The following IFT122 variants were observed in gnomAD, a reference collection of about 807,000 sequenced individuals.
IFT122 encodes intraflagellar transport protein 122 homolog.
In IFT122, 118 loss-of-function variants were observed where a neutral mutation model predicts 161.6. The ratio of observed to expected loss-of-function variants is 0.73; its 90% CI spans 0.63 to 0.85. The LOEUF (loss-of-function observed/expected upper bound fraction) is 0.85, where lower values mean the gene tolerates loss of function less well. IFT122 is among the 40% of genes least tolerant of loss of function. The probability of loss-of-function intolerance (pLI) is 0.00; values close to 1 mark genes in which losing one functional copy is unlikely to be tolerated. For synonymous variants in IFT122, 550 were observed against 602.4 expected (o/e 0.91, Z 1.27); for missense variants, 1,381 against 1,579.6 (o/e 0.87, Z 2.13).
chr3:129,479,212 A>G (rs74972733), intron 12 of IFT122, among the ~76,000 whole-genome samples: 3,853 of 147,752 alleles, frequency 0.026, 155 homozygotes, highest in African/African-American at 0.091. Context: ...GCTTGAGGCT[A>G]GTAGTTCGAA....
chr3:129,452,020 C>G (rs745849984), intron 3 of IFT122, 22 bp downstream of exon 3: 2 of 1,541,958 alleles, frequency 1.3e-6, no homozygotes, highest in African/African-American at 1.4e-5. Context: ...CTCTGGGTTT[C>G]CATTCTCTAT....
chr3:129,454,554 T>TGTGTGTGTGTGTGC (rs1263418566), intron 3 of IFT122, among the ~76,000 whole-genome samples: 1 of 150,098 alleles, frequency 6.7e-6, no homozygotes, highest in African/African-American at 2.5e-5. Context: ...TGTGTGTGTG[T>TGTGTGTGTGTGTGC]GTGCATGTTT....
At chr3:129,516,253 C>CGG (rs2083552473) in intron 26 of IFT122, among the ~76,000 whole-genome samples, 1 of 143,128 alleles carries the variant, frequency 7.0e-6, no homozygotes, top group Non-Finnish European at 1.5e-5. Context: ...CGTGCACACA[C>CGG]AGACTGCCCC....
intron 22 of IFT122, among the ~76,000 whole-genome samples, chr3:129,507,453 G>A (rs947752668): frequency 2.0e-5 from 3 of 152,182 alleles, no homozygotes; most frequent in African/African-American, 7.2e-5. Flanking sequence ...CTTATGCCCT[G>A]TCCACCTAAG....
chr3:129,489,982 T>C (rs1461156676), intron 16 of IFT122, among the ~76,000 whole-genome samples: 1 of 151,602 alleles, frequency 6.6e-6, no homozygotes, highest in Admixed American at 6.6e-5. Flanking sequence ...AGCCACAAGG[T>C]TTAATATGAG....
At chr3:129,516,308 A>ACG (rs2083582445) in intron 26 of IFT122, among the ~76,000 whole-genome samples, 1 of 107,334 alleles carries the variant, frequency 9.3e-6, no homozygotes, top group Non-Finnish European at 1.7e-5. Flanking sequence ...ACACACACAC[A>ACG]GAGACTGCCC....
intron 1 of IFT122, among the ~76,000 whole-genome samples, chr3:129,441,527 G>C (rs1477060315): frequency 6.6e-6 from 1 of 152,160 alleles, no homozygotes; most frequent in Non-Finnish European, 1.5e-5. Context: ...TAATTTGCCA[G>C]CGTCACACAG....
rs1559941008 is a variant in IFT122 at position 129,488,367 on chromosome 3, AG to A, written c.1963del (p.Glu655LysfsTer3). The A allele has an allele frequency of 3.1e-6, 5 of 1,612,928 alleles. No homozygotes were observed. The Admixed American group carries it at 5.0e-5, about 16-fold the overall frequency. On this transcript the variant is annotated frameshift_variant, in exon 16 of 30. Transcript: ENST00000348417. LOFTEE classifies it high-confidence loss of function. ...GGCGTGAACTGGCCATGGAAGCGCT[AG>A]AAGGTTTAGATTTTGAAACAGCAAA... ...DWRELAMEALEGLDFETAKKA... is the reference protein window; with the variant it reads ...DWRELAMEALXGLDFETAKKA...
Position 129,499,992 on chromosome 3 carries a change from G to C in IFT122, c.2299G>C (p.Ala767Pro). The stretch of plus-strand genomic sequence containing the variant: ...CAGAAATATCAAGGAGCCCAAAGCC[G>C]CCGTGGAGATGTACATCTCAGCAGG... ...WARNIKEPKA[A>P]VEMYISAGEH... Residue 767 changes from alanine (A) to proline (P), a missense_variant, in exon 19 of 30, where the codon GCC becomes CCC. Physicochemically the swap from Ala to Pro is conservative, Grantham distance 27 (BLOSUM62 -1). Coordinates refer to ENST00000348417, the MANE Select transcript of IFT122 (RefSeq NM_052989.3). 1 of 1,614,200 alleles carries C rather than the reference G, an allele frequency of 6.2e-7. No homozygotes were observed. Among genetic ancestry groups the C allele is most frequent in the Non-Finnish European group, 8.5e-7 (1 of 1,180,038 alleles).
intron 26 of IFT122, among the ~76,000 whole-genome samples, chr3:129,517,135 T>TGGAGACTGCCCCTGCACACACAC (rs1491564561): frequency 1.4e-3 from 112 of 77,294 alleles, no homozygotes; most frequent in African/African-American, 4.0e-3. Context: ...CACACACACA[T>TGGAGACTGCCCCTGCACACACAC]GGAGACTGCC....
intron 1 of IFT122, among the ~76,000 whole-genome samples, chr3:129,447,068 A>G (rs1174550381): frequency 1.3e-5 from 2 of 152,170 alleles, no homozygotes; most frequent in African/African-American, 2.4e-5. Flanking sequence ...TGTTCTAGCA[A>G]CATCTTGCAC....
intron 7 of IFT122, 108 bp downstream of exon 7, chr3:129,464,889 G>A (rs2076549125): frequency 8.1e-7 from 1 of 1,237,266 alleles, no homozygotes; most frequent in Admixed American, 1.7e-5. Flanking sequence ...CACTTGAATG[G>A]TCTGTTTTAG....
chr3:129,458,149 A>G (rs1271201827), intron 3 of IFT122: 1 of 176,202 alleles, frequency 5.7e-6, no homozygotes, highest in East Asian at 1.4e-4. Context: ...ACCACATTGT[A>G]CTTCATAAGT....
intron 1 of IFT122, among the ~76,000 whole-genome samples, chr3:129,442,069 C>G (rs919165981): frequency 5.3e-5 from 8 of 151,778 alleles, no homozygotes; most frequent in African/African-American, 1.9e-4. Context: ...GTGAAATGGC[C>G]TAATTTTTAA....
chr3:129,519,278 G>A, intron 28 of IFT122, 92 bp downstream of exon 28: 8 of 1,233,860 alleles, frequency 6.5e-6, no homozygotes, highest in Non-Finnish European at 8.3e-6. Context: ...AGTGGTGGAG[G>A]AGGATTGGCC....
At chr3:129,469,020 C>T (rs936581312) in intron 8 of IFT122, among the ~76,000 whole-genome samples, 1 of 152,112 alleles carries the variant, frequency 6.6e-6, no homozygotes, top group African/African-American at 2.4e-5. Context: ...TGCAGCCTTG[C>T]CTATCTTAGT....
At chr3:129,504,295 G>A in intron 20 of IFT122, 24 bp from the exon 21 acceptor site, 1 of 1,585,642 alleles carries the variant, frequency 6.3e-7, no homozygotes, top group Non-Finnish European at 8.7e-7. Flanking sequence ...GCTTTATTAA[G>A]ACTTCATTTG....
chr3:129,475,242 A>C (rs566864008), intron 9 of IFT122, among the ~76,000 whole-genome samples: 1 of 152,218 alleles, frequency 6.6e-6, no homozygotes, highest in African/African-American at 2.4e-5. Flanking sequence ...GATAATTCGC[A>C]CTCACTAAAA....
rs1432587332 is a variant in IFT122 at position 129,440,329 on chromosome 3, T to A, written c.-2T>A. On this transcript the variant is annotated 5_prime_UTR_variant, in exon 1 of 30. Coordinates refer to ENST00000348417, the MANE Select transcript of IFT122 (RefSeq NM_052989.3). Reference sequence around the variant, plus strand: ...GGAGCCCGAGCCGTAAGGGAAGCCGTGATGAGGGCCGTGTTGACGTGGAGA... The same window carrying A: ...GGAGCCCGAGCCGTAAGGGAAGCCGAGATGAGGGCCGTGTTGACGTGGAGA... The A allele has an allele frequency of 6.4e-7, 1 of 1,550,514 alleles. No individual in the cohort carries two copies.
Sources: allele counts gnomAD v4.1 joint callset (sites outside exome capture counted in the v4.1 genomes callset), GRCh38; gene constraint gnomAD v4.1.1; transcripts MANE v1.5; gene names NCBI Gene and HGNC (gene_info 2026-07-23, HGNC 2026-07-21).